RANGAP1: variants seen among roughly 807,000 people sequenced by gnomAD.
RANGAP1 encodes Ran GTPase activating protein 1.
RANGAP1 carries 38 observed loss-of-function variants against 63.5 expected under a neutral mutation model. The ratio of observed to expected loss-of-function variants is 0.60; its 90% CI spans 0.46 to 0.78. The LOEUF (loss-of-function observed/expected upper bound fraction) is 0.78, where lower values mean the gene tolerates loss of function less well. RANGAP1 is among the 30% of genes least tolerant of loss of function. The pLI is 0.00. For synonymous variants in RANGAP1, 329 were observed against 310.5 expected (o/e 1.06, Z -0.63); for missense variants, 630 against 740.3 (o/e 0.85, Z 1.73).
intron 6 of RANGAP1, among the ~76,000 whole-genome samples, chr22:41,259,220 G>A (rs1029096955): frequency 1.3e-5 from 2 of 152,098 alleles, no homozygotes; most frequent in African/African-American, 4.8e-5. Flanking sequence ...CAGGACTGAG[G>A]GTTGGCCTGG....
At position 41,257,874 on chromosome 22, in the gene RANGAP1, C is replaced by T; in HGVS notation, c.774+74G>A. ...TAGAGGAGTCCCTGCTAAACGGAGC[C>T]CCAGCTTCCCTGGAAAGACAGCAGC... is the stretch of plus-strand genomic sequence containing the variant. On this transcript the variant is annotated intron_variant, in intron 7 of 15. Coordinates refer to ENST00000356244, the MANE Select transcript of RANGAP1 (RefSeq NM_002883.4). This position sits in a 1 kb window ranked among gnomAD's most constrained non-coding sequence, Gnocchi z 4.0. 2 of 1,498,252 alleles carry T rather than the reference C, an allele frequency of 1.3e-6. No homozygotes were observed. Among genetic ancestry groups the T allele is most frequent in the Non-Finnish European group, 1.8e-6 (2 of 1,106,200 alleles). The allele number at this position is 1,498,252 out of a possible 1,614,324, so 92.8% of individuals were successfully genotyped here. A position where few individuals can be genotyped will look rare whatever the true frequency, so the allele number is the denominator to read the frequency against.
chr22:41,262,551 T>A (rs1047842429), intron 5 of RANGAP1, among the ~76,000 whole-genome samples: 1 of 152,136 alleles, frequency 6.6e-6, no homozygotes, highest in African/African-American at 2.4e-5. Context: ...AAGCCGCACA[T>A]GGCGGGTGGG....
Position 41,258,050 on chromosome 22 carries a change from G to A in RANGAP1, c.672C>T (p.Gly224=), listed in dbSNP as rs1371998715. 6.2e-7 allele frequency: 1 copy of A among 1,613,642 alleles called. No individual in the cohort carries two copies. Among genetic ancestry groups the A allele is most frequent in the Non-Finnish European group, 8.5e-7 (1 of 1,179,688 alleles). The change falls in exon 7 of 16, where the codon GGC becomes GGT. Residue 224 remains glycine (G), a synonymous_variant. Transcript: ENST00000356244. ...HMPQNGINHP[G]ITALAQAFAV... is the part of the protein sequence containing the mutation. ...CGAAAGCCTGGGCCAGGGCAGTGAT[G>A]CCAGGGTGGTTGATCCCATTCTGTG... is the stretch of plus-strand genomic sequence containing the variant.
intron 2 of RANGAP1, among the ~76,000 whole-genome samples, chr22:41,277,282 T>G (rs554971351): frequency 9.3e-4 from 141 of 151,676 alleles, no homozygotes; most frequent in African/African-American, 1.4e-3. Context: ...GTTTCACCGT[T>G]TTAGCCAGGA....
the RANGAP1 span, among the ~76,000 whole-genome samples, chr22:41,294,420 A>C: frequency 2.0e-5 from 3 of 150,956 alleles, no homozygotes; most frequent in East Asian, 3.9e-4. Flanking sequence ...ACCTCCCAGC[A>C]GCCTGCCTTG....
the RANGAP1 span, among the ~76,000 whole-genome samples, chr22:41,293,790 A>G: frequency 6.6e-6 from 1 of 151,452 alleles, no homozygotes; most frequent in Non-Finnish European, 1.5e-5. Flanking sequence ...AAGAAAAGAA[A>G]TAATTTTTAA....
At chr22:41,281,266 G>GGT in intron 1 of RANGAP1, 184 bp from the exon 2 acceptor site, 1 of 795,946 alleles carries the variant, frequency 1.3e-6, no homozygotes, top group Non-Finnish European at 1.8e-6. Context: ...AGGTGCAGGA[G>GGT]GTAGTAAAAG....
chr22:41,256,117 G>C lies in RANGAP1; in HGVS notation c.989-12C>G. ...TCCCAGGGTGTTGCCTGCTCAAGGG[G>C]AGGGAAGAGCAGTCAGCCGGGGTGC... On this transcript the variant is annotated splice_polypyrimidine_tract_variant and intron_variant, in intron 9 of 15. Transcript: ENST00000356244. 1 of 1,614,104 alleles carries C rather than the reference G, an allele frequency of 6.2e-7. No homozygotes were observed. The highest frequency in any genetic ancestry group is 8.5e-7 in the Non-Finnish European group (1 of 1,180,008).
the RANGAP1 span, among the ~76,000 whole-genome samples, chr22:41,302,053 G>C: frequency 6.6e-6 from 1 of 152,278 alleles, no homozygotes; most frequent in South Asian, 2.1e-4. This position sits in a 1 kb window ranked among gnomAD's most constrained non-coding sequence, Gnocchi z 5.7. Context: ...GGGGCACCTG[G>C]CGCTGGGGAG....
intron 1 of RANGAP1, among the ~76,000 whole-genome samples, chr22:41,283,434 G>A (rs1350516902): frequency 2.0e-5 from 3 of 152,070 alleles, no homozygotes; most frequent in Non-Finnish European, 4.4e-5. Flanking sequence ...GCTTGAACCC[G>A]GGAGGCGGAG....
intron 11 of RANGAP1, among the ~76,000 whole-genome samples, chr22:41,253,953 C>CA (rs1178150479): frequency 6.6e-6 from 1 of 151,850 alleles, no homozygotes; most frequent in African/African-American, 2.4e-5. Context: ...ACTAAAGATA[C>CA]AAAAATTAGC....
At chr22:41,271,835 C>T (rs1038944267) in intron 3 of RANGAP1, among the ~76,000 whole-genome samples, 7 of 152,234 alleles carry the variant, frequency 4.6e-5, no homozygotes, top group African/African-American at 1.7e-4. Flanking sequence ...GAGAGAACCC[C>T]TCTGGCATCA....
the RANGAP1 span, among the ~76,000 whole-genome samples, chr22:41,300,001 T>C: frequency 6.6e-6 from 1 of 151,564 alleles, no homozygotes; most frequent in Non-Finnish European, 1.5e-5. Context: ...TCCGCCCGCC[T>C]CAACCTCCCA....
intron 7 of RANGAP1, 70 bp from the exon 8 acceptor site, chr22:41,256,894 G>T: frequency 1.6e-6 from 2 of 1,234,008 alleles, no homozygotes; most frequent in Non-Finnish European, 2.3e-6. Flanking sequence ...AGCCCCGGGG[G>T]CCCCACACGG....
intron 1 of RANGAP1, chr22:41,285,492 A>C: frequency 1.0e-6 from 1 of 985,166 alleles, no homozygotes; most frequent in South Asian, 4.7e-5. Flanking sequence ...GCAACGTCAG[A>C]GACTTTCTGA....
In RANGAP1 at chr22:41,257,357, T is replaced by C. The variant is rs1476404676; in HGVS notation, c.775-533A>G. ...GCACTGTTACCACTGGCAGCTTCCT[T>C]CCCTCCTTGAGCTAGGGTCTCCCTG... is the stretch of plus-strand genomic sequence containing the variant. On this transcript the variant is annotated intron_variant, in intron 7 of 15. Coordinates refer to ENST00000356244, the MANE Select transcript of RANGAP1 (RefSeq NM_002883.4). This position sits in a 1 kb window ranked among gnomAD's most constrained non-coding sequence, Gnocchi z 4.0. Among the ~76,000 whole-genome samples the C allele has an allele frequency of 1.3e-5, 2 of 152,108 alleles. No homozygotes were observed. The highest frequency in any genetic ancestry group is 4.8e-5 in the African/African-American group (2 of 41,390).
At chr22:41,294,562 G>C in the RANGAP1 span, among the ~76,000 whole-genome samples, 1 of 146,040 alleles carries the variant, frequency 6.8e-6, no homozygotes, top group African/African-American at 2.5e-5. Flanking sequence ...AGTCTGGAAA[G>C]TGAGGAGCGT....
chr22:41,247,634 G>A (rs2033137876), intron 15 of RANGAP1, among the ~76,000 whole-genome samples: 1 of 152,248 alleles, frequency 6.6e-6, no homozygotes, highest in Non-Finnish European at 1.5e-5. Context: ...TTACAGATGG[G>A]AGCCACTGCG....
intron 1 of RANGAP1, among the ~76,000 whole-genome samples, chr22:41,283,487 G>A (rs752720938): frequency 7.2e-5 from 11 of 152,028 alleles, no homozygotes; most frequent in East Asian, 5.8e-4. Context: ...CCAGCCTGGC[G>A]ACAGAGCAAG....
Sources: gnomAD v4.1 joint callset for allele counts (sites outside exome capture counted in the v4.1 genomes callset) on GRCh38, gnomAD v4.1.1 for gene constraint, Gnocchi (gnomAD v3.1) non-coding constraint, MANE v1.5 for transcripts, NCBI Gene and HGNC (gene_info 2026-07-23, HGNC 2026-07-21) for gene names.